Variants in KCNH8 observed in about 807,000 individuals in gnomAD.
The protein encoded by KCNH8 is potassium voltage-gated channel subfamily H member 8, also known as voltage-gated delayed rectifier potassium channel KCNH8.
In KCNH8, 70 loss-of-function variants were observed where a neutral mutation model predicts 103.6. That is an observed-to-expected ratio of 0.68 (90% CI 0.56 to 0.82). The LOEUF (loss-of-function observed/expected upper bound fraction) is 0.82. KCNH8 is among the 40% of genes least tolerant of loss of function. The probability of loss-of-function intolerance (pLI) is 0.00; values close to 1 mark genes in which losing one functional copy is unlikely to be tolerated. For synonymous variants in KCNH8, 498 were observed against 489.4 expected (o/e 1.02, Z -0.23); for missense variants, 1,217 against 1,329.9 (o/e 0.92, Z 1.32).
intron 1 of KCNH8, among the ~76,000 whole-genome samples, chr3:19,246,704 T>A (rs2064211330): frequency 6.6e-6 from 1 of 152,228 alleles, no homozygotes; most frequent in Non-Finnish European, 1.5e-5. Context: ...TCATTTACTG[T>A]CACTAGGTTC....
intron 3 of KCNH8, among the ~76,000 whole-genome samples, chr3:19,309,989 C>G (rs1032848108): frequency 2.0e-5 from 3 of 151,846 alleles, no homozygotes; most frequent in African/African-American, 7.3e-5. Flanking sequence ...GGATCTTGTA[C>G]ATGCAGGAAG....
intron 5 of KCNH8, among the ~76,000 whole-genome samples, chr3:19,371,971 A>T (rs185966194): frequency 0.01 from 1,514 of 151,394 alleles, 14 homozygotes; most frequent in South Asian, 0.023. Context: ...ATTGATCTAT[A>T]TCTCTGTTTT....
intron 11 of KCNH8, among the ~76,000 whole-genome samples, chr3:19,483,983 T>G (rs1445959107): frequency 1.3e-5 from 2 of 152,160 alleles, no homozygotes; most frequent in African/African-American, 4.8e-5. Flanking sequence ...TATGACAAAT[T>G]TACTTACTTT....
intron 1 of KCNH8, among the ~76,000 whole-genome samples, chr3:19,163,943 C>T (rs2063258246): frequency 6.6e-6 from 1 of 152,084 alleles, no homozygotes; most frequent in Non-Finnish European, 1.5e-5. Flanking sequence ...ATACAAAATA[C>T]ATGTTAATTG....
At chr3:19,200,157 AG>A (rs1423851662) in intron 1 of KCNH8, among the ~76,000 whole-genome samples, 4 of 152,076 alleles carry the variant, frequency 2.6e-5, no homozygotes, top group African/African-American at 9.6e-5. Flanking sequence ...ATAAAACAAG[AG>A]GAAAAAATGG....
intron 5 of KCNH8, among the ~76,000 whole-genome samples, chr3:19,373,903 A>G (rs1357945747): frequency 6.6e-6 from 1 of 151,988 alleles, no homozygotes; most frequent in Non-Finnish European, 1.5e-5. Flanking sequence ...TTCAGTTTCC[A>G]TGTAGTTGAG....
intron 5 of KCNH8, among the ~76,000 whole-genome samples, chr3:19,359,838 G>C (rs2065925780): frequency 6.6e-6 from 1 of 151,910 alleles, no homozygotes; most frequent in Non-Finnish European, 1.5e-5. Context: ...CAATGCTTAG[G>C]TTGTCTTTGG....
intron 11 of KCNH8, among the ~76,000 whole-genome samples, chr3:19,493,013 T>G (rs563863156): frequency 6.6e-6 from 1 of 152,164 alleles, no homozygotes; most frequent in Admixed American, 6.5e-5. Context: ...GTTCTTGATT[T>G]GACTTTCAGC....
At chr3:19,292,524 G>T (rs185464478) in intron 3 of KCNH8, among the ~76,000 whole-genome samples, 1 of 152,130 alleles carries the variant, frequency 6.6e-6, no homozygotes, top group African/African-American at 2.4e-5. Context: ...AATTATATGT[G>T]CATTGCCTTT....
chr3:19,274,657 G>A (rs977192115), intron 2 of KCNH8, among the ~76,000 whole-genome samples: 3 of 151,956 alleles, frequency 2.0e-5, no homozygotes, highest in Non-Finnish European at 4.4e-5. Context: ...AAGTTTCCAG[G>A]CTCCTCTTGT....
At chr3:19,431,608 C>T (rs543876185) in intron 7 of KCNH8, among the ~76,000 whole-genome samples, 1 of 152,244 alleles carries the variant, frequency 6.6e-6, no homozygotes, top group South Asian at 2.1e-4. Flanking sequence ...TCTGTGTGGT[C>T]ATGGGTTTGT....
intron 1 of KCNH8, among the ~76,000 whole-genome samples, chr3:19,191,359 A>G (rs1306464620): frequency 6.6e-6 from 1 of 151,848 alleles, no homozygotes; most frequent in African/African-American, 2.4e-5. Flanking sequence ...ATTTGTTAAT[A>G]TGATGAACAA....
intron 7 of KCNH8, among the ~76,000 whole-genome samples, chr3:19,407,710 G>T (rs1191217517): frequency 6.6e-6 from 1 of 152,098 alleles, no homozygotes; most frequent in Non-Finnish European, 1.5e-5. Context: ...TGTTTCCCTG[G>T]TTCAGCAGCC....
chr3:19,432,279 T>G (rs1181632193), intron 7 of KCNH8, among the ~76,000 whole-genome samples: 1 of 152,160 alleles, frequency 6.6e-6, no homozygotes, highest in African/African-American at 2.4e-5. Flanking sequence ...TGAGATTCCT[T>G]TTCAATAGAT....
At chr3:19,179,364 T>C (rs1367796936) in intron 1 of KCNH8, among the ~76,000 whole-genome samples, 1 of 152,158 alleles carries the variant, frequency 6.6e-6, no homozygotes. Flanking sequence ...TGAAAGATAA[T>C]ATTATGGGCC....
At chr3:19,364,402 C>G (rs181792207) in intron 5 of KCNH8, among the ~76,000 whole-genome samples, 71 of 152,168 alleles carry the variant, frequency 4.7e-4, no homozygotes, top group African/African-American at 1.7e-3. Context: ...ATTTATAATG[C>G]AGCTATGAGA....
chr3:19,415,731 A>G (rs562354866), intron 7 of KCNH8, among the ~76,000 whole-genome samples: 5 of 152,176 alleles, frequency 3.3e-5, no homozygotes, highest in South Asian at 2.1e-4. Context: ...CTTTAATGCA[A>G]TGTAAAAACA....
At chr3:19,531,564 G>C (rs1170452223) in intron 15 of KCNH8, among the ~76,000 whole-genome samples, 1 of 152,224 alleles carries the variant, frequency 6.6e-6, no homozygotes, top group Non-Finnish European at 1.5e-5. Flanking sequence ...GGCAGAAATA[G>C]TTTTGGCCTG....
At chr3:19,496,457 G>C (rs2068443584) in intron 11 of KCNH8, among the ~76,000 whole-genome samples, 3 of 152,060 alleles carry the variant, frequency 2.0e-5, no homozygotes, top group Admixed American at 6.5e-5. Context: ...ATAATCATGG[G>C]TTTTTTATTT....
Sources: gnomAD v4.1 joint callset for allele counts (sites outside exome capture counted in the v4.1 genomes callset) on GRCh38, gnomAD v4.1.1 for gene constraint, MANE v1.5 for transcripts, NCBI Gene and HGNC (gene_info 2026-07-23, HGNC 2026-07-21) for gene names.